Variants in SNX9 observed in about 807,000 individuals in gnomAD.
The protein encoded by SNX9 is sorting nexin 9.
A neutral mutation model predicts 89.4 loss-of-function variants in SNX9; 44 were observed. The observed-to-expected ratio is 0.49, with a 90% CI of 0.39 to 0.63. SNX9 has a LOEUF of 0.63. SNX9 is among the 30% of genes least tolerant of loss of function. SNX9 has a pLI of 0.00. For synonymous variants in SNX9, 236 were observed against 247.8 expected, an observed-to-expected ratio of 0.95 and a Z score of 0.45; for missense variants, 578 against 736.1, an observed-to-expected ratio of 0.79 and a Z score of 2.49.
intron 14 of SNX9, 43 bp downstream of exon 14, chr6:157,936,083 T>C (rs1783918667): frequency 6.8e-7 from 1 of 1,474,060 alleles, no homozygotes; most frequent in African/African-American, 1.4e-5. Context: ...TTTGTTGCTA[T>C]CTAGTCCACA....
Position 157,823,733 on chromosome 6 carries a change from G to T in SNX9, c.12+287G>T, listed in dbSNP as rs895939068. 6.6e-6 allele frequency among the ~76,000 whole-genome samples: 1 copy of T among 151,946 alleles called. No homozygotes were observed. The highest frequency in any genetic ancestry group is 2.1e-4 in the South Asian group (1 of 4,834). ...AGGTTTGGGAAGTTTGCACCTGAGC[G>T]TGGGCTGCGGCGGGCTCGCCGGGAG... On this transcript the variant is annotated intron_variant, in intron 1 of 17. Transcript: ENST00000392185. The surrounding 1 kb of genome is among the most constrained non-coding windows in gnomAD (Gnocchi z 4.6).
intron 2 of SNX9, among the ~76,000 whole-genome samples, chr6:157,870,007 A>C (rs1185089840): frequency 6.6e-6 from 1 of 151,826 alleles, no homozygotes; most frequent in Non-Finnish European, 1.5e-5. Context: ...CCTCTCATGC[A>C]CACCCACAGT....
At chr6:157,888,927 G>C (rs1782793735) in intron 4 of SNX9, among the ~76,000 whole-genome samples, 3 of 152,176 alleles carry the variant, frequency 2.0e-5, no homozygotes, top group Non-Finnish European at 4.4e-5. Context: ...GTGGTTGACT[G>C]TGAGGAGGAG....
intron 1 of SNX9, among the ~76,000 whole-genome samples, chr6:157,828,684 G>A (rs1781427601): frequency 6.6e-6 from 1 of 152,008 alleles, no homozygotes; most frequent in African/African-American, 2.4e-5. Context: ...TGTAGAGATG[G>A]GGTTTCACCA....
chr6:157,838,617 A>T (rs1426033519), intron 1 of SNX9, among the ~76,000 whole-genome samples: 1 of 152,210 alleles, frequency 6.6e-6, no homozygotes, highest in Non-Finnish European at 1.5e-5. Flanking sequence ...AATTTTATGT[A>T]GAAGTGCTAA....
intron 1 of SNX9, among the ~76,000 whole-genome samples, chr6:157,847,495 G>C (rs1201515764): frequency 1.7e-5 from 2 of 115,728 alleles, no homozygotes; most frequent in African/African-American, 6.7e-5. Flanking sequence ...TAACCCAAAT[G>C]CTATATATTC....
chr6:157,845,809 C>G (rs1781796211), intron 1 of SNX9, among the ~76,000 whole-genome samples: 2 of 152,148 alleles, frequency 1.3e-5, no homozygotes, highest in Non-Finnish European at 2.9e-5. Flanking sequence ...GAGTATGGTT[C>G]TTGTGAACTG....
intron 1 of SNX9, among the ~76,000 whole-genome samples, chr6:157,833,095 T>G (rs1475024030): frequency 6.6e-6 from 1 of 152,228 alleles, no homozygotes; most frequent in African/African-American, 2.4e-5. Context: ...TGAATTGGTG[T>G]ATTTAAAATG....
At position 157,942,888 on chromosome 6, in the gene SNX9, G is replaced by C; in HGVS notation, c.*50G>C. ...GCCGCGTGCTTTCTCCTGACTTGGG[G>C]CAATGCAATTCAAAACTTTTTTTCC... is the stretch of plus-strand genomic sequence containing the variant. On this transcript the variant is annotated 3_prime_UTR_variant, in exon 18 of 18. Coordinates refer to ENST00000392185, the MANE Select transcript of SNX9 (RefSeq NM_016224.5). 3 of 1,541,906 alleles carry C rather than the reference G, an allele frequency of 1.9e-6. No homozygotes were observed. The highest frequency in any genetic ancestry group is 1.2e-5 in the South Asian group (1 of 82,588).
At chr6:157,867,944 A>C (rs1782302424) in intron 2 of SNX9, among the ~76,000 whole-genome samples, 1 of 152,164 alleles carries the variant, frequency 6.6e-6, no homozygotes, top group South Asian at 2.1e-4. Flanking sequence ...CAATTTTTTA[A>C]ATTACTTACA....
chr6:157,891,271 C>T (rs772041146), intron 4 of SNX9, among the ~76,000 whole-genome samples: 1 of 151,992 alleles, frequency 6.6e-6, no homozygotes, highest in Non-Finnish European at 1.5e-5. Context: ...TCAAGTGATC[C>T]TCCTGCCTCA....
chr6:157,864,800 C>A (rs184412217), intron 1 of SNX9, among the ~76,000 whole-genome samples: 1 of 151,878 alleles, frequency 6.6e-6, no homozygotes, highest in East Asian at 1.9e-4. Context: ...GAGGCCGAGG[C>A]GGGCAGATCA....
intron 1 of SNX9, chr6:157,829,246 T>A (rs1781439015): frequency 6.6e-6 from 1 of 152,212 alleles, no homozygotes; most frequent in Admixed American, 6.5e-5. Context: ...TTTCTGAGAC[T>A]TTAAAGAGTT....
intron 10 of SNX9, among the ~76,000 whole-genome samples, chr6:157,923,421 G>T (rs1282470658): frequency 1.5e-5 from 2 of 134,916 alleles, no homozygotes; most frequent in Non-Finnish European, 3.2e-5. Context: ...AACAGAAATT[G>T]AAAATCTAAA....
intron 5 of SNX9, among the ~76,000 whole-genome samples, chr6:157,899,129 G>C (rs1310047176): frequency 6.6e-6 from 1 of 152,168 alleles, no homozygotes; most frequent in Admixed American, 6.5e-5. Context: ...AGGAGAAGGA[G>C]GAGAGCCCAC....
intron 11 of SNX9, among the ~76,000 whole-genome samples, 181 bp from the exon 12 acceptor site, chr6:157,928,418 T>C (rs1783739104): frequency 6.6e-6 from 1 of 152,224 alleles, no homozygotes; most frequent in Non-Finnish European, 1.5e-5. Flanking sequence ...AAAATATAAA[T>C]CAGCGCTTTT....
intron 1 of SNX9, among the ~76,000 whole-genome samples, chr6:157,835,008 A>G (rs1781556322): frequency 6.6e-6 from 1 of 152,176 alleles, no homozygotes; most frequent in African/African-American, 2.4e-5. Context: ...AAGTATAGAC[A>G]TTTTAAATTT....
intron 1 of SNX9, among the ~76,000 whole-genome samples, chr6:157,856,282 G>C (rs1782009855): frequency 6.6e-6 from 1 of 152,190 alleles, no homozygotes; most frequent in African/African-American, 2.4e-5. Flanking sequence ...TTCAGAAGTA[G>C]AAGAGTATAA....
At chr6:157,925,477 G>T (rs996155291) in intron 10 of SNX9, among the ~76,000 whole-genome samples, 11 of 152,048 alleles carry the variant, frequency 7.2e-5, no homozygotes, top group Admixed American at 7.2e-4. Context: ...TCCACTCCTG[G>T]ATATGTACTG....
Sources: gnomAD v4.1 joint callset for allele counts (sites outside exome capture counted in the v4.1 genomes callset) on GRCh38, gnomAD v4.1.1 for gene constraint, Gnocchi (gnomAD v3.1) non-coding constraint, MANE v1.5 for transcripts, NCBI Gene and HGNC (gene_info 2026-07-23, HGNC 2026-07-21) for gene names.